The following WBP1L variants were observed in gnomAD, a reference collection of about 807,000 sequenced individuals.
WBP1L encodes the protein WW domain binding protein 1 like.
WBP1L carries 17 observed loss-of-function variants against 33.7 expected under a neutral mutation model. The observed-to-expected ratio is 0.50, with a 90% CI of 0.34 to 0.76. WBP1L has a LOEUF of 0.76. Ranked by LOEUF, WBP1L falls within the 30% of genes least tolerant of loss-of-function variation. The pLI is 0.01. For synonymous variants in WBP1L, 173 were observed against 190.8 expected, an observed-to-expected ratio of 0.91 and a Z score of 0.77; for missense variants, 389 against 469.4, an observed-to-expected ratio of 0.83 and a Z score of 1.58.
intron 3 of WBP1L, among the ~76,000 whole-genome samples, chr10:102,811,119 A>G (rs1843835983): frequency 6.6e-6 from 1 of 151,884 alleles, no homozygotes; most frequent in Non-Finnish European, 1.5e-5. Context: ...AATTGAAACA[A>G]TTGTGGGCCG....
At chr10:102,812,313 C>A (rs1256617176) in intron 3 of WBP1L, among the ~76,000 whole-genome samples, 3 of 152,194 alleles carry the variant, frequency 2.0e-5, no homozygotes, top group Non-Finnish European at 4.4e-5. Context: ...TTGCCTAATT[C>A]TCTGCCTTAA....
intron 1 of WBP1L, chr10:102,746,200 G>A: frequency 1.0e-6 from 1 of 983,030 alleles, no homozygotes; most frequent in Non-Finnish European, 1.2e-6. Flanking sequence ...GAAGGGGATT[G>A]TTAATGTTAT....
At chr10:102,759,399 G>A (rs1843012212) in intron 1 of WBP1L, among the ~76,000 whole-genome samples, 1 of 152,114 alleles carries the variant, frequency 6.6e-6, no homozygotes. Context: ...TTATAATAAT[G>A]ATTGATAATT....
At chr10:102,783,507 C>T (rs935338699) in intron 1 of WBP1L, among the ~76,000 whole-genome samples, 2 of 152,228 alleles carry the variant, frequency 1.3e-5, no homozygotes, top group East Asian at 1.9e-4. Context: ...GAATTTAGAG[C>T]GGGGTGGTGG....
chr10:102,801,868 C>G (rs1843660862), intron 2 of WBP1L, among the ~76,000 whole-genome samples: 1 of 143,336 alleles, frequency 7.0e-6, no homozygotes, highest in South Asian at 2.4e-4. Context: ...TCCTTTCCCT[C>G]CCTCCCATCT....
At chr10:102,804,257 G>A (rs891977316) in intron 2 of WBP1L, among the ~76,000 whole-genome samples, 1 of 151,550 alleles carries the variant, frequency 6.6e-6, no homozygotes, top group Admixed American at 6.6e-5. Context: ...GTGTGGTGGT[G>A]CATGCCTGTA....
intron 1 of WBP1L, among the ~76,000 whole-genome samples, chr10:102,769,759 C>T (rs907412597): frequency 6.6e-6 from 1 of 152,184 alleles, no homozygotes; most frequent in Non-Finnish European, 1.5e-5. Flanking sequence ...TATGAGATGT[C>T]ACCATCTGTT....
At chr10:102,751,805 T>C (rs1286921366) in intron 1 of WBP1L, among the ~76,000 whole-genome samples, 1 of 152,140 alleles carries the variant, frequency 6.6e-6, no homozygotes, top group African/African-American at 2.4e-5. Flanking sequence ...ACATAACCTC[T>C]TTGTGCCTCA....
intron 1 of WBP1L, among the ~76,000 whole-genome samples, chr10:102,783,895 G>A (rs918715963): frequency 6.6e-6 from 1 of 152,208 alleles, no homozygotes; most frequent in Non-Finnish European, 1.5e-5. Flanking sequence ...ACTGAGGGAA[G>A]AAGTACCATA....
chr10:102,781,253 A>T (rs1277505438), intron 1 of WBP1L, among the ~76,000 whole-genome samples: 1 of 152,182 alleles, frequency 6.6e-6, no homozygotes, highest in South Asian at 2.1e-4. Context: ...TGCAGGGTGG[A>T]GCCATGACTG....
At chr10:102,771,247 G>A (rs1441896998) in intron 1 of WBP1L, among the ~76,000 whole-genome samples, 1 of 152,316 alleles carries the variant, frequency 6.6e-6, no homozygotes, top group Admixed American at 6.5e-5. Context: ...GAGCATGTAT[G>A]TTTTTGCAGT....
At chr10:102,775,742 T>A (rs536623870) in intron 1 of WBP1L, among the ~76,000 whole-genome samples, 3 of 152,244 alleles carry the variant, frequency 2.0e-5, no homozygotes, top group Admixed American at 1.3e-4. Flanking sequence ...CCAGGCTTCA[T>A]GTCCTATTAT....
chr10:102,811,379 T>TC (rs886966238), intron 3 of WBP1L, among the ~76,000 whole-genome samples: 4 of 152,206 alleles, frequency 2.6e-5, no homozygotes, highest in Non-Finnish European at 5.9e-5. Context: ...GAAGAGCACT[T>TC]CCCGGACTTC....
intron 1 of WBP1L, among the ~76,000 whole-genome samples, chr10:102,763,066 G>A (rs1249296932): frequency 6.6e-6 from 1 of 151,978 alleles, no homozygotes; most frequent in African/African-American, 2.4e-5. Context: ...TAGCTGGGTG[G>A]TGTGGCTCAT....
chr10:102,790,385 T>C (rs1291787625), intron 1 of WBP1L, among the ~76,000 whole-genome samples: 1 of 152,242 alleles, frequency 6.6e-6, no homozygotes, highest in Non-Finnish European at 1.5e-5. Flanking sequence ...TATGCTTGTA[T>C]CTTATAGGGA....
At chr10:102,765,016 A>G (rs1181145375) in intron 1 of WBP1L, among the ~76,000 whole-genome samples, 1 of 152,120 alleles carries the variant, frequency 6.6e-6, no homozygotes, top group Non-Finnish European at 1.5e-5. Flanking sequence ...GAGAAAGGGA[A>G]TTTTGCTTTT....
intron 1 of WBP1L, among the ~76,000 whole-genome samples, chr10:102,789,967 T>C (rs1381707508): frequency 6.6e-6 from 1 of 152,060 alleles, no homozygotes; most frequent in East Asian, 1.9e-4. Context: ...CTCGATCTCC[T>C]GACCTCATGA....
intron 1 of WBP1L, among the ~76,000 whole-genome samples, chr10:102,796,764 G>C (rs551340563): frequency 1.3e-5 from 2 of 152,320 alleles, no homozygotes; most frequent in South Asian, 4.1e-4. Flanking sequence ...GTAAGTGACT[G>C]TGTTATTGTT....
At chr10:102,746,674 T>C (rs1842867078) in intron 1 of WBP1L, among the ~76,000 whole-genome samples, 1 of 152,076 alleles carries the variant, frequency 6.6e-6, no homozygotes, top group Non-Finnish European at 1.5e-5. Context: ...CAAGGCCATT[T>C]TGGCACAGGG....
Sources: allele counts gnomAD v4.1 joint callset (sites outside exome capture counted in the v4.1 genomes callset), GRCh38; gene constraint gnomAD v4.1.1; transcripts MANE v1.5; gene names NCBI Gene and HGNC (gene_info 2026-07-23, HGNC 2026-07-21).